RNF212: variants seen among roughly 807,000 people sequenced by gnomAD.
The protein encoded by RNF212 is probable E3 SUMO-protein ligase RNF212.
Under a neutral mutation model 34.7 loss-of-function variants are expected in RNF212, and 33 were observed. The ratio of observed to expected loss-of-function variants is 0.95; its 90% CI spans 0.72 to 1.27. RNF212 has a LOEUF of 1.27. RNF212 is among the 50% of genes most tolerant of loss of function. The pLI is 0.00. For synonymous variants in RNF212, 140 were observed against 136.1 expected (o/e 1.03, Z -0.20); for missense variants, 377 against 362.2 (o/e 1.04, Z -0.33).
intron 1 of RNF212, among the ~76,000 whole-genome samples, chr4:1,109,025 T>TG (rs1725253793): frequency 1.3e-5 from 2 of 150,904 alleles, no homozygotes; most frequent in South Asian, 4.2e-4. Context: ...TTTTTTTTTT[T>TG]GAGACAGAGT....
At chr4:1,112,474 C>A (rs978880284) in intron 1 of RNF212, among the ~76,000 whole-genome samples, 2 of 151,700 alleles carry the variant, frequency 1.3e-5, no homozygotes, top group African/African-American at 4.8e-5. Context: ...AACATCAGTT[C>A]AACACAAAAT....
intron 4 of RNF212, chr4:1,056,793 A>G (rs563999508): frequency 2.1e-6 from 2 of 962,852 alleles, no homozygotes; most frequent in South Asian, 9.6e-5. Flanking sequence ...TTACACACGC[A>G]CTTTCCCAAG....
intron 4 of RNF212, among the ~76,000 whole-genome samples, chr4:1,089,596 G>C (rs567990185): frequency 8.9e-4 from 135 of 152,220 alleles, no homozygotes; most frequent in African/African-American, 3.2e-3. Context: ...ATGAGATTTG[G>C]GAGGGGCCAG....
Position 1,072,976 on chromosome 4 carries a change from C to G in RNF212, c.792G>C (p.Leu264Phe), listed in dbSNP as rs751647382. 8.1e-6 allele frequency: 13 copies of G among 1,614,158 alleles called. No homozygotes were observed. The highest frequency in any genetic ancestry group is 1.1e-5 in the South Asian group (1 of 91,082). ...PIYAEVQRAV[L>F]FPFQQAEGTL... Reference sequence around the variant, plus strand: ...TGCCCTCAGCCTGCTGGAACGGAAACAAGACGGCCCTTTGTACCTCAGCAT... The same window carrying G: ...TGCCCTCAGCCTGCTGGAACGGAAAGAAGACGGCCCTTTGTACCTCAGCAT... The change falls in exon 10 of 10, where the codon TTG becomes TTC. Residue 264 changes from leucine to phenylalanine, a missense_variant. Leu to Phe is a conservative substitution (Grantham distance 22, BLOSUM62 0). Coordinates refer to ENST00000433731, the MANE Select transcript of RNF212 (RefSeq NM_001131034.4).
intron 5 of RNF212, among the ~76,000 whole-genome samples, chr4:1,082,423 CAT>C (rs1720500268): frequency 6.6e-6 from 1 of 152,224 alleles, no homozygotes; most frequent in Admixed American, 6.5e-5. Context: ...CATGACTGCA[CAT>C]GAGGGGTGGG....
At chr4:1,113,315 G>C (rs1460497244) in intron 1 of RNF212, 41 bp downstream of exon 1, 7 of 770,326 alleles carry the variant, frequency 9.1e-6, no homozygotes, top group African/African-American at 4.1e-5. Context: ...CCCCCTTGCC[G>C]CTCCCCTCCC....
intron 5 of RNF212, among the ~76,000 whole-genome samples, chr4:1,085,028 G>A (rs1011081528): frequency 2.0e-5 from 3 of 152,238 alleles, no homozygotes; most frequent in Non-Finnish European, 4.4e-5. Context: ...CAGCAGGGAG[G>A]TGGGCACCTG....
chr4:1,089,235 AG>A (rs1721811248), intron 4 of RNF212, among the ~76,000 whole-genome samples: 1 of 152,186 alleles, frequency 6.6e-6, no homozygotes, highest in Admixed American at 6.5e-5. Flanking sequence ...AGGCCTTGGG[AG>A]CCCCCCTACC....
intron 2 of RNF212, among the ~76,000 whole-genome samples, chr4:1,102,988 C>CA (rs35322395): frequency 0.015 from 2,234 of 145,500 alleles, 56 homozygotes; most frequent in African/African-American, 0.054. Flanking sequence ...TAAAAAAATA[C>CA]AAAAAAAAAA....
At chr4:1,094,859 C>T (rs976795012) in intron 3 of RNF212, among the ~76,000 whole-genome samples, 3 of 152,166 alleles carry the variant, frequency 2.0e-5, no homozygotes, top group African/African-American at 7.2e-5. Context: ...ACTGAGACCA[C>T]TTTGTCTCAA....
At chr4:1,056,686 G>A (rs1717346810) in intron 4 of RNF212, among the ~76,000 whole-genome samples, 1 of 152,182 alleles carries the variant, frequency 6.6e-6, no homozygotes, top group South Asian at 2.1e-4. Flanking sequence ...ACATTACTGC[G>A]TTTCTGAACA....
At chr4:1,063,165 C>T (rs1717860035) in intron 3 of RNF212, among the ~76,000 whole-genome samples, 2 of 152,046 alleles carry the variant, frequency 1.3e-5, no homozygotes, top group Admixed American at 6.6e-5. Context: ...AAAACTCTAC[C>T]GAGATTTCAA....
chr4:1,078,988 C>A lies in RNF212; in HGVS notation c.510+655G>T, dbSNP rs1719836927. Among the ~76,000 whole-genome samples, 7 of 145,380 alleles carry A rather than the reference C, an allele frequency of 4.8e-5. No homozygotes were observed. In the South Asian group the frequency reaches 1.5e-3, roughly 31 times the overall value. On this transcript the variant is annotated intron_variant, in intron 8 of 9. Coordinates refer to ENST00000433731, the MANE Select transcript of RNF212 (RefSeq NM_001131034.4). ...ACATAGGACCAACACAGGGTCAACA[C>A]AGGACCAACATAGGACCAACACAGG...
intron 2 of RNF212, among the ~76,000 whole-genome samples, chr4:1,103,928 T>C (rs1724419493): frequency 6.6e-6 from 1 of 152,196 alleles, no homozygotes; most frequent in African/African-American, 2.4e-5. Context: ...AAGAGAGATC[T>C]AAAGCGTCCT....
intron 4 of RNF212, among the ~76,000 whole-genome samples, chr4:1,087,557 G>A (rs955322276): frequency 1.3e-5 from 2 of 148,396 alleles, no homozygotes; most frequent in East Asian, 4.0e-4. Flanking sequence ...AGGCTGACAG[G>A]ACAGGGTGGG....
intron 5 of RNF212, 52 bp from the exon 6 acceptor site, chr4:1,081,671 C>T (rs1372009013): frequency 8.1e-7 from 1 of 1,228,336 alleles, no homozygotes; most frequent in Non-Finnish European, 1.2e-6. Context: ...CTGACTTCCC[C>T]CCAGGTCATC....
exon 4 of RNF212, chr4:1,058,328 G>T: frequency 1.0e-6 from 1 of 984,674 alleles, no homozygotes; most frequent in Non-Finnish European, 1.2e-6. Context: ...TACCTGAGAG[G>T]CTTTCCCATG....
At chr4:1,094,068 T>C in intron 3 of RNF212, 1 of 1,344,660 alleles carries the variant, frequency 7.4e-7, no homozygotes, top group South Asian at 1.4e-5. Context: ...AGGAGGACAG[T>C]CTTGGGGACC....
intron 5 of RNF212, chr4:1,085,636 C>T (rs751208958): frequency 1.5e-4 from 82 of 550,224 alleles, no homozygotes; most frequent in Admixed American, 3.6e-4. Context: ...CCAGGCCCCT[C>T]CCACTGCCTC....
Sources: allele counts gnomAD v4.1 joint callset (sites outside exome capture counted in the v4.1 genomes callset), GRCh38; gene constraint gnomAD v4.1.1; transcripts MANE v1.5; gene names NCBI Gene and HGNC (gene_info 2026-07-23, HGNC 2026-07-21).